The following PDE1C variants were observed in gnomAD, a reference collection of about 807,000 sequenced individuals.
PDE1C encodes the protein dual specificity calcium/calmodulin-dependent 3',5'-cyclic nucleotide phosphodiesterase 1C.
Under a neutral mutation model 93.1 loss-of-function variants are expected in PDE1C, and 62 were observed. The ratio of observed to expected loss-of-function variants is 0.67; its 90% CI spans 0.54 to 0.82. The LOEUF is 0.82. Among genes scored for constraint, PDE1C ranks in the 40% least tolerant of loss-of-function variants. The pLI is 0.00. For missense variants in PDE1C, 742 were observed against 884.6 expected (o/e 0.84, Z 2.04); for synonymous variants, 325 against 310.1 (o/e 1.05, Z -0.50).
chr7:31,799,301 T>C (rs1375217920), intron 16 of PDE1C, among the ~76,000 whole-genome samples: 1 of 151,718 alleles, frequency 6.6e-6, no homozygotes, highest in East Asian at 1.9e-4. Flanking sequence ...AGGCCCCTCC[T>C]ATCTTTCACT....
intron 1 of PDE1C, among the ~76,000 whole-genome samples, chr7:32,271,744 T>C (rs1008719890): frequency 2.0e-5 from 3 of 152,176 alleles, no homozygotes; most frequent in African/African-American, 4.8e-5. Context: ...ATAATAATAA[T>C]AACACATGGG....
chr7:31,822,952 T>C, intron 14 of PDE1C, 121 bp downstream of exon 14: 1 of 786,888 alleles, frequency 1.3e-6, no homozygotes, highest in Non-Finnish European at 2.0e-6. Context: ...TGGTAGATTC[T>C]AATATTCGGC....
At chr7:31,942,537 T>G (rs189358356) in intron 2 of PDE1C, among the ~76,000 whole-genome samples, 9 of 152,278 alleles carry the variant, frequency 5.9e-5, no homozygotes, top group Admixed American at 2.0e-4. Flanking sequence ...AAAATGGTTG[T>G]GTGCTGCCCT....
intron 2 of PDE1C, among the ~76,000 whole-genome samples, chr7:32,034,752 G>A (rs1790819426): frequency 2.0e-5 from 3 of 152,062 alleles, no homozygotes; most frequent in South Asian, 4.2e-4. Flanking sequence ...TTAAGAGATT[G>A]GGGCCAAAAG....
At chr7:32,324,927 T>C (rs1368357891) in intron 1 of PDE1C, among the ~76,000 whole-genome samples, 1 of 152,078 alleles carries the variant, frequency 6.6e-6, no homozygotes, top group Admixed American at 6.5e-5. Flanking sequence ...CCGGCCTGGG[T>C]GACAGAGGAA....
At chr7:31,896,963 T>C (rs73092491) in intron 2 of PDE1C, among the ~76,000 whole-genome samples, 1,561 of 152,310 alleles carry the variant, frequency 0.01, 16 homozygotes, top group Non-Finnish European at 0.018. Flanking sequence ...GAGAGAAGAT[T>C]TCTGTTGCAC....
intron 2 of PDE1C, among the ~76,000 whole-genome samples, chr7:32,196,354 A>C (rs1804618083): frequency 6.6e-6 from 1 of 152,124 alleles, no homozygotes; most frequent in South Asian, 2.1e-4. Context: ...CCTGGTCCTT[A>C]GGTAGAGAGT....
chr7:32,420,668 A>G (rs1409783647), intron 1 of PDE1C, among the ~76,000 whole-genome samples: 1 of 150,218 alleles, frequency 6.7e-6, no homozygotes, highest in Non-Finnish European at 1.5e-5. Flanking sequence ...GTGCAAATGC[A>G]AGTTATTTGT....
chr7:32,112,842 G>GTATATATATATATATATATA (rs1162721455), intron 3 of PDE1C, among the ~76,000 whole-genome samples: 2 of 50,668 alleles, frequency 3.9e-5, no homozygotes, highest in Admixed American at 1.7e-4. Flanking sequence ...GTGTGTGTGT[G>GTATATATATATATATATATA]TGTGTATATA....
chr7:32,129,151 C>T (rs1799776140), intron 3 of PDE1C, among the ~76,000 whole-genome samples: 1 of 150,904 alleles, frequency 6.6e-6, no homozygotes, highest in South Asian at 2.1e-4. Context: ...ACAGAATTGA[C>T]ATAAAATATC....
intron 2 of PDE1C, among the ~76,000 whole-genome samples, chr7:31,985,477 G>A (rs191723576): frequency 6.6e-6 from 1 of 152,068 alleles, no homozygotes; most frequent in East Asian, 1.9e-4. Flanking sequence ...CAACATGCAG[G>A]TTTGATACAT....
the PDE1C span, among the ~76,000 whole-genome samples, chr7:31,720,606 C>A: frequency 1.3e-5 from 2 of 152,170 alleles, no homozygotes; most frequent in African/African-American, 4.8e-5. Context: ...CAGCCGGTCT[C>A]CCATAGAGCA....
chr7:32,297,572 G>T (rs1049399799), intron 1 of PDE1C, among the ~76,000 whole-genome samples: 1 of 152,092 alleles, frequency 6.6e-6, no homozygotes, highest in African/African-American at 2.4e-5. Context: ...GTCACAGCAT[G>T]GGGCGGAAGG....
At chr7:32,212,161 A>T (rs1320182714) in intron 1 of PDE1C, among the ~76,000 whole-genome samples, 1 of 152,204 alleles carries the variant, frequency 6.6e-6, no homozygotes, top group Non-Finnish European at 1.5e-5. Flanking sequence ...ATTGCTGAGA[A>T]CACAGGCAAC....
intron 16 of PDE1C, among the ~76,000 whole-genome samples, chr7:31,806,632 T>C (rs1294870044): frequency 1.3e-5 from 2 of 151,928 alleles, no homozygotes; most frequent in East Asian, 1.9e-4. Flanking sequence ...CACATACTAC[T>C]TCCCCCTGTG....
chr7:32,101,316 TTG>T (rs546885167), intron 3 of PDE1C, among the ~76,000 whole-genome samples: 134 of 152,248 alleles, frequency 8.8e-4, no homozygotes, highest in Admixed American at 2.0e-3. Flanking sequence ...TGAAAGTTGG[TTG>T]TGTGTTTGGA....
intron 2 of PDE1C, among the ~76,000 whole-genome samples, chr7:32,002,135 A>T (rs181547863): frequency 6.6e-6 from 1 of 152,310 alleles, no homozygotes; most frequent in African/African-American, 2.4e-5. Flanking sequence ...TGCAGTGGGA[A>T]CTACTAAGAT....
In PDE1C at chr7:32,005,057, C is replaced by T. The variant is rs561269377; in HGVS notation, c.128+46497G>A. On this transcript the variant is annotated intron_variant, in intron 2 of 17. Coordinates refer to ENST00000396191, the MANE Select transcript of PDE1C (RefSeq NM_001191057.4). ...TGGACTCAAAGTGCATATCCTACAA[C>T]CTAGCACCGTCACCAATGTTTTACT... Among the ~76,000 whole-genome samples the T allele has an allele frequency of 2.0e-5, 3 of 152,220 alleles. No homozygotes were observed. In the South Asian group the frequency reaches 6.2e-4, roughly 32 times the overall value.
intron 3 of PDE1C, among the ~76,000 whole-genome samples, chr7:32,079,241 A>G (rs1446343633): frequency 7.1e-6 from 1 of 141,790 alleles, no homozygotes; most frequent in African/African-American, 2.5e-5. Context: ...CTAGGTATAC[A>G]ATGGTCAATT....
Sources: gnomAD v4.1 joint callset for allele counts (sites outside exome capture counted in the v4.1 genomes callset) on GRCh38, gnomAD v4.1.1 for gene constraint, MANE v1.5 for transcripts, NCBI Gene and HGNC (gene_info 2026-07-23, HGNC 2026-07-21) for gene names.